CIT: variants seen among roughly 807,000 people sequenced by gnomAD.
The protein encoded by CIT is citron rho-interacting serine/threonine kinase.
In CIT, 79 loss-of-function variants were observed where a neutral mutation model predicts 272.7. That is an observed-to-expected ratio of 0.29 (90% CI 0.24 to 0.35). The LOEUF (loss-of-function observed/expected upper bound fraction) is 0.35, where lower values mean the gene tolerates loss of function less well. Ranked by LOEUF, CIT falls within the 10% of genes least tolerant of loss-of-function variation. The pLI is 1.00. For synonymous variants in CIT, 948 were observed against 995.6 expected (o/e 0.95, Z 0.90); for missense variants, 1,909 against 2,618.3 (o/e 0.73, Z 5.91).
Position 119,712,135 on chromosome 12 carries a change from C to T in CIT, c.4854+43G>A. Reference sequence around the variant, plus strand: ...CGTTAACACCAGTTACCAAGTCAGCCCCCTTTACAAAGACAACCTCCAGGG... The same window carrying T: ...CGTTAACACCAGTTACCAAGTCAGCTCCCTTTACAAAGACAACCTCCAGGG... On this transcript the variant is annotated intron_variant, in intron 37 of 47. Coordinates refer to ENST00000392521, the MANE Select transcript of CIT (RefSeq NM_001206999.2). This position sits in a 1 kb window ranked among gnomAD's most constrained non-coding sequence, Gnocchi z 5.2. 6.5e-7 allele frequency: 1 copy of T among 1,533,104 alleles called. No homozygotes were observed. Among genetic ancestry groups the T allele is most frequent in the Non-Finnish European group, 8.8e-7 (1 of 1,141,006 alleles). 95.0% of individuals were successfully genotyped at this position (1,533,104 alleles called of 1,614,324 possible).
At chr12:119,740,856 G>A (rs1440857563) in intron 24 of CIT, among the ~76,000 whole-genome samples, 1 of 152,140 alleles carries the variant, frequency 6.6e-6, no homozygotes, top group Non-Finnish European at 1.5e-5. Flanking sequence ...GAGGGATGGA[G>A]GAAATCCACA....
intron 28 of CIT, among the ~76,000 whole-genome samples, chr12:119,725,662 T>C (rs1349993689): frequency 6.6e-6 from 1 of 152,168 alleles, no homozygotes; most frequent in African/African-American, 2.4e-5. Flanking sequence ...AGGAACATCC[T>C]GGGAAACTGG....
intron 5 of CIT, among the ~76,000 whole-genome samples, chr12:119,842,931 C>A (rs549225912): frequency 1.9e-4 from 29 of 152,338 alleles, no homozygotes; most frequent in South Asian, 4.1e-4. Flanking sequence ...TAAAGCTCTA[C>A]TCTCCCTTTA....
chr12:119,738,586 T>TAAA (rs34667302), intron 24 of CIT, among the ~76,000 whole-genome samples: 21 of 151,080 alleles, frequency 1.4e-4, no homozygotes, highest in Middle Eastern at 3.4e-3. Context: ...CAGAAGATAT[T>TAAA]AAAAAAAAAG....
intron 2 of CIT, among the ~76,000 whole-genome samples, chr12:119,870,430 A>C (rs2138407112): frequency 6.6e-6 from 1 of 151,494 alleles, no homozygotes; most frequent in South Asian, 2.1e-4. Flanking sequence ...GGCACCCGTA[A>C]TCCCAGCTAC....
chr12:119,745,374 CAAAAAAAAAAAA>C (rs757825062), intron 23 of CIT, among the ~76,000 whole-genome samples: 1 of 7,012 alleles, frequency 1.4e-4, no homozygotes, highest in African/African-American at 3.7e-4. Context: ...AAGAAACAAG[CAAAAAAAAAAAA>C]AAAAAAAAAA....
In CIT at chr12:119,735,035, T is replaced by G. The variant is rs556887932; in HGVS notation, c.3156+125A>C. Reference sequence around the variant, plus strand: ...CTAAAGGCTTGGAAAAAAGACATGATTTTAAAAAGAGCCCAATTACTGTAT... The same window carrying G: ...CTAAAGGCTTGGAAAAAAGACATGAGTTTAAAAAGAGCCCAATTACTGTAT... On this transcript the variant is annotated intron_variant, in intron 25 of 47. Transcript: ENST00000392521. The G allele has an allele frequency of 1.6e-4, 133 of 847,706 alleles. 1 individual carries two copies. In the South Asian group the frequency reaches 2.1e-3, roughly 13 times the overall value. 52.5% of individuals were successfully genotyped at this position (847,706 alleles called of 1,614,324 possible). A position where few individuals can be genotyped will look rare whatever the true frequency, so the allele number is the denominator to read the frequency against.
At position 119,768,490 on chromosome 12, in the gene CIT, G is replaced by C. The variant is rs1962720899; in HGVS notation, c.2209-1308C>G. Among the ~76,000 whole-genome samples, 1 of 152,160 alleles carries C rather than the reference G, an allele frequency of 6.6e-6. No homozygotes were observed. Among genetic ancestry groups the C allele is most frequent in the Non-Finnish European group, 1.5e-5 (1 of 68,032 alleles). On this transcript the variant is annotated intron_variant, in intron 18 of 47. Transcript: ENST00000392521. This position sits in a 1 kb window ranked among gnomAD's most constrained non-coding sequence, Gnocchi z 4.3. ...TTTGAAGAATGAGGAAATTATATAG[G>C]ATATGTTCATAAAATGGAGGTGAAA...
chr12:119,819,268 C>T (rs1350989561), intron 9 of CIT, among the ~76,000 whole-genome samples: 6 of 152,094 alleles, frequency 3.9e-5, no homozygotes, highest in South Asian at 4.1e-4. Context: ...ACAGAGTGTT[C>T]GACTTGCTGG....
Position 119,688,141 on chromosome 12 carries a change from T to A in CIT, c.*91A>T. On this transcript the variant is annotated 3_prime_UTR_variant, in exon 48 of 48. Coordinates refer to ENST00000392521, the MANE Select transcript of CIT (RefSeq NM_001206999.2). ...CTGAGCCAGAGGGTGGCTGAGCACG[T>A]GGGCGCTTGGGTCCCCATCAGCAGA... 1 of 1,416,722 alleles carries A rather than the reference T, an allele frequency of 7.1e-7. No homozygotes were observed. The highest frequency in any genetic ancestry group is 2.3e-5 in the East Asian group (1 of 43,994). The allele number at this position is 1,416,722 out of a possible 1,614,324, so 87.8% of individuals were successfully genotyped here. A position where few individuals can be genotyped will look rare whatever the true frequency, so the allele number is the denominator to read the frequency against.
intron 44 of CIT, among the ~76,000 whole-genome samples, chr12:119,699,084 G>C (rs943892218): frequency 6.6e-6 from 1 of 152,022 alleles, no homozygotes; most frequent in Non-Finnish European, 1.5e-5. Context: ...GTGAAACCCT[G>C]TCTCTACTAA....
At position 119,713,943 on chromosome 12, in the gene CIT, G is replaced by A; in HGVS notation, c.4306+254C>T. 3.3e-6 allele frequency: 2 copies of A among 605,334 alleles called. No individual in the cohort carries two copies. Among genetic ancestry groups the A allele is most frequent in the Non-Finnish European group, 5.8e-6 (2 of 344,244 alleles). The allele number at this position is 605,334 out of a possible 1,614,324, so 37.5% of individuals were successfully genotyped here. On this transcript the variant is annotated intron_variant, in intron 33 of 47. Transcript: ENST00000392521. The surrounding 1 kb of genome is among the most constrained non-coding windows in gnomAD (Gnocchi z 5.2). ...TGGAGTCAGCGGAAAGGTAGGGAGA[G>A]ACCAGCCTGACAAAAAGGGGCTGGA...
At chr12:119,862,459 G>A (rs1421171358) in intron 3 of CIT, among the ~76,000 whole-genome samples, 2 of 151,968 alleles carry the variant, frequency 1.3e-5, no homozygotes, top group Non-Finnish European at 2.9e-5. Context: ...TATTCTAAAC[G>A]TTTGTGCCCC....
At chr12:119,773,414 T>C (rs1019723798) in intron 16 of CIT, among the ~76,000 whole-genome samples, 1 of 152,134 alleles carries the variant, frequency 6.6e-6, no homozygotes, top group Non-Finnish European at 1.5e-5. Context: ...AACAAACATA[T>C]CATTCAAATG....
chr12:119,788,251 CTCTT>C (rs1964984957), intron 10 of CIT, among the ~76,000 whole-genome samples: 1 of 152,222 alleles, frequency 6.6e-6, no homozygotes, highest in Non-Finnish European at 1.5e-5. Context: ...CACACTCTCT[CTCTT>C]TTCCTTTTCA....
At chr12:119,723,474 C>T (rs560201670) in intron 28 of CIT, among the ~76,000 whole-genome samples, 1 of 151,576 alleles carries the variant, frequency 6.6e-6, no homozygotes, top group East Asian at 1.9e-4. Context: ...ACCTGCTTCC[C>T]AGAAAGAAGC....
intron 3 of CIT, among the ~76,000 whole-genome samples, chr12:119,863,613 G>C (rs1414298426): frequency 2.6e-5 from 4 of 151,748 alleles, no homozygotes; most frequent in Non-Finnish European, 5.9e-5. Flanking sequence ...TGCAACCTCT[G>C]CCTCCCAGGT....
intron 26 of CIT, 23 bp downstream of exon 26, chr12:119,734,141 T>A: frequency 6.2e-7 from 1 of 1,611,452 alleles, no homozygotes; most frequent in South Asian, 1.1e-5. Context: ...TGTCATGAGC[T>A]TTCCACAAAC....
At chr12:119,731,624 C>T (rs1958450465) in intron 26 of CIT, among the ~76,000 whole-genome samples, 1 of 151,636 alleles carries the variant, frequency 6.6e-6, no homozygotes, top group African/African-American at 2.4e-5. Flanking sequence ...CTTCCTACTT[C>T]CACACTTTGG....
Sources: gnomAD v4.1 joint callset for allele counts (sites outside exome capture counted in the v4.1 genomes callset) on GRCh38, gnomAD v4.1.1 for gene constraint, Gnocchi (gnomAD v3.1) non-coding constraint, MANE v1.5 for transcripts, NCBI Gene and HGNC (gene_info 2026-07-23, HGNC 2026-07-21) for gene names.